Variants in ARMC9 observed in about 807,000 individuals in gnomAD.
The protein encoded by ARMC9 is armadillo repeat containing 9, also known as lisH domain-containing protein ARMC9.
ARMC9 carries 94 observed loss-of-function variants against 107.0 expected under a neutral mutation model. The observed-to-expected ratio is 0.88, with a 90% CI of 0.74 to 1.04. ARMC9 has a LOEUF of 1.04. ARMC9 is among the 50% of genes least tolerant of loss of function. The pLI, the probability that ARMC9 is intolerant of heterozygous loss-of-function variation, is 0.00. For missense variants in ARMC9, 942 were observed against 1,030.1 expected (o/e 0.91, Z 1.17); for synonymous variants, 380 against 396.9 (o/e 0.96, Z 0.51).
At chr2:231,361,217 T>C (rs2125594210) in intron 23 of ARMC9, among the ~76,000 whole-genome samples, 1 of 152,276 alleles carries the variant, frequency 6.6e-6, no homozygotes, top group East Asian at 1.9e-4. Context: ...GTCAGCTTTT[T>C]GCATTTGGAG....
intron 9 of ARMC9, among the ~76,000 whole-genome samples, chr2:231,248,144 C>A (rs927747182): frequency 3.3e-5 from 5 of 152,192 alleles, no homozygotes; most frequent in African/African-American, 1.2e-4. Context: ...GAAAGACACT[C>A]CAGGGAACAC....
chr2:231,327,775 T>C (rs2043429255), intron 19 of ARMC9, among the ~76,000 whole-genome samples: 1 of 152,148 alleles, frequency 6.6e-6, no homozygotes, highest in Non-Finnish European at 1.5e-5. Context: ...GTTTAGCTTT[T>C]TTTGTTTTTG....
chr2:231,217,973 G>A (rs935684590), intron 5 of ARMC9, among the ~76,000 whole-genome samples: 13 of 146,482 alleles, frequency 8.9e-5, no homozygotes, highest in African/African-American at 1.8e-4. Flanking sequence ...GATTACAGGC[G>A]TGAGCCACCG....
chr2:231,278,234 T>C (rs1346252288), intron 15 of ARMC9, 148 bp from the exon 16 acceptor site: 2 of 719,348 alleles, frequency 2.8e-6, no homozygotes, highest in Admixed American at 2.1e-5. Context: ...CCAGATTGGT[T>C]ACATGACTCA....
chr2:231,245,836 C>G (rs1454136967), intron 9 of ARMC9, among the ~76,000 whole-genome samples: 2 of 152,246 alleles, frequency 1.3e-5, no homozygotes, highest in Middle Eastern at 6.8e-3. Context: ...ACCCCCTGTT[C>G]CCCCTGGGCA....
intron 9 of ARMC9, among the ~76,000 whole-genome samples, chr2:231,250,443 C>T (rs150042846): frequency 6.6e-6 from 1 of 152,286 alleles, no homozygotes; most frequent in East Asian, 1.9e-4. Flanking sequence ...AAACCACTCC[C>T]AGCTGAGAAG....
At chr2:231,320,588 CCTTCCTTTT>C (rs2042944025) in intron 19 of ARMC9, among the ~76,000 whole-genome samples, 2 of 151,594 alleles carry the variant, frequency 1.3e-5, no homozygotes, top group South Asian at 4.2e-4. Flanking sequence ...AGTGTCCTTT[CCTTCCTTTT>C]CTTCCGTATA....
At chr2:231,253,342 T>G (rs532849711) in intron 9 of ARMC9, among the ~76,000 whole-genome samples, 192 of 152,254 alleles carry the variant, frequency 1.3e-3, no homozygotes, top group Non-Finnish European at 2.4e-3. Context: ...CTTGAACTCC[T>G]GACCTCAAGT....
intron 19 of ARMC9, among the ~76,000 whole-genome samples, chr2:231,314,687 C>T (rs1391987299): frequency 6.6e-6 from 1 of 152,192 alleles, no homozygotes; most frequent in African/African-American, 2.4e-5. Context: ...TGCTAAATGT[C>T]CCCTAGGAGG....
intron 3 of ARMC9, 82 bp from the exon 4 acceptor site, chr2:231,214,749 G>A (rs963285609): frequency 5.8e-6 from 8 of 1,385,614 alleles, no homozygotes; most frequent in African/African-American, 5.7e-5. Flanking sequence ...GTATATGGGA[G>A]ATCTGTGGTG....
intron 9 of ARMC9, among the ~76,000 whole-genome samples, chr2:231,252,085 C>T (rs1006853517): frequency 1.3e-5 from 2 of 152,136 alleles, no homozygotes; most frequent in Non-Finnish European, 2.9e-5. Flanking sequence ...CAACCAGTTT[C>T]TTCACAGGGC....
intron 1 of ARMC9, among the ~76,000 whole-genome samples, chr2:231,202,498 T>A (rs1221764446): frequency 6.6e-6 from 1 of 151,800 alleles, no homozygotes; most frequent in Non-Finnish European, 1.5e-5. Context: ...AATTTTTGTA[T>A]TTCTGTAGAG....
chr2:231,244,364 C>CTTTT (rs780440851), intron 9 of ARMC9, among the ~76,000 whole-genome samples: 3 of 129,908 alleles, frequency 2.3e-5, no homozygotes, highest in Non-Finnish European at 3.3e-5. Flanking sequence ...GAATGTGGAT[C>CTTTT]TTTTTTTTTT....
intron 19 of ARMC9, among the ~76,000 whole-genome samples, chr2:231,303,865 G>A (rs2041899127): frequency 1.3e-5 from 2 of 152,194 alleles, no homozygotes; most frequent in Middle Eastern, 3.2e-3. Flanking sequence ...GAACCTGGGA[G>A]GTGGAGGTTG....
At chr2:231,265,096 CAA>C (rs202052844) in intron 12 of ARMC9, among the ~76,000 whole-genome samples, 4 of 140,302 alleles carry the variant, frequency 2.9e-5, no homozygotes, top group Non-Finnish European at 1.6e-5. Flanking sequence ...GACTGCGTCT[CAA>C]AAAAAAAAAA....
chr2:231,233,700 C>T (rs948563375), intron 7 of ARMC9, among the ~76,000 whole-genome samples: 3 of 151,766 alleles, frequency 2.0e-5, no homozygotes, highest in East Asian at 1.9e-4. Flanking sequence ...CGCTTGAACC[C>T]GGGAGGCGGA....
intron 20 of ARMC9, among the ~76,000 whole-genome samples, chr2:231,339,189 G>C (rs186805570): frequency 6.6e-6 from 1 of 151,068 alleles, no homozygotes; most frequent in Non-Finnish European, 1.5e-5. Context: ...TTAGCCAGGC[G>C]TGGTGGTGTG....
At chr2:231,254,980 C>T (rs1464933387) in intron 9 of ARMC9, among the ~76,000 whole-genome samples, 1 of 152,164 alleles carries the variant, frequency 6.6e-6, no homozygotes, top group African/African-American at 2.4e-5. Flanking sequence ...AGCCACAACA[C>T]CAAATACAGT....
In ARMC9 at chr2:231,336,951, A is replaced by T. The variant is rs185810366; in HGVS notation, c.1878+5054A>T. Among the ~76,000 whole-genome samples, 686 of 152,202 alleles carry T rather than the reference A, an allele frequency of 4.5e-3. 6 individuals are homozygous for T. Among genetic ancestry groups the T allele is most frequent in the African/African-American group, 0.016 (646 of 41,490 alleles). On this transcript the variant is annotated intron_variant, in intron 20 of 24. Transcript: ENST00000611582. ...CTCAGACCTGGGCGAGCCCCTGGAG[A>T]CAGGAGAGGGCCCTGGGATCCTGCT...
Sources: gnomAD v4.1 joint callset for allele counts (sites outside exome capture counted in the v4.1 genomes callset) on GRCh38, gnomAD v4.1.1 for gene constraint, MANE v1.5 for transcripts, NCBI Gene and HGNC (gene_info 2026-07-23, HGNC 2026-07-21) for gene names.